Variants in NCAM2 observed in about 807,000 individuals in gnomAD.
NCAM2 encodes the protein N-CAM-2.
A neutral mutation model predicts 98.1 loss-of-function variants in NCAM2; 30 were observed. That is an observed-to-expected ratio of 0.31 (90% CI 0.23 to 0.41). The LOEUF (loss-of-function observed/expected upper bound fraction) is 0.41, where lower values mean the gene tolerates loss of function less well. NCAM2 is among the 10% of genes least tolerant of loss of function. The probability of loss-of-function intolerance (pLI) is 1.00; values close to 1 mark genes in which losing one functional copy is unlikely to be tolerated. For synonymous variants in NCAM2, 368 were observed against 342.4 expected (o/e 1.07, Z -0.83); for missense variants, 867 against 1,005.8 (o/e 0.86, Z 1.87).
intron 12 of NCAM2, among the ~76,000 whole-genome samples, chr21:21,454,178 C>A (rs767601491): frequency 6.6e-6 from 1 of 152,026 alleles, no homozygotes; most frequent in African/African-American, 2.4e-5. Flanking sequence ...TTAAATTTTT[C>A]ATGCATTAAA....
At chr21:21,111,637 C>A (rs992944344) in intron 1 of NCAM2, among the ~76,000 whole-genome samples, 4 of 152,142 alleles carry the variant, frequency 2.6e-5, no homozygotes, top group African/African-American at 9.7e-5. Context: ...GAAGAAAGCA[C>A]AGTAGATGGT....
chr21:21,433,849 G>A (rs34734540), intron 12 of NCAM2, among the ~76,000 whole-genome samples: 80,798 of 151,534 alleles, frequency 0.53, 21,722 homozygotes, highest in Middle Eastern at 0.67. Flanking sequence ...AAGGAAAAAA[G>A]GCATTATTTC....
chr21:21,521,748 A>C (rs185841693), intron 16 of NCAM2, among the ~76,000 whole-genome samples: 1 of 152,226 alleles, frequency 6.6e-6, no homozygotes, highest in Non-Finnish European at 1.5e-5. Flanking sequence ...AAACTAACAA[A>C]AGAAACAGAA....
chr21:21,263,411 T>G (rs1370660346), intron 1 of NCAM2, among the ~76,000 whole-genome samples: 1 of 151,834 alleles, frequency 6.6e-6, no homozygotes, highest in African/African-American at 2.4e-5. Flanking sequence ...ATAGGAAAAA[T>G]CAATATTGTT....
intron 1 of NCAM2, among the ~76,000 whole-genome samples, chr21:21,055,685 T>C (rs966964906): frequency 6.6e-6 from 1 of 152,052 alleles, no homozygotes; most frequent in African/African-American, 2.4e-5. Flanking sequence ...GGTTAGCAGT[T>C]AGGAGAAGGC....
At chr21:21,161,481 A>G (rs887884636) in intron 1 of NCAM2, among the ~76,000 whole-genome samples, 4 of 152,016 alleles carry the variant, frequency 2.6e-5, no homozygotes, top group African/African-American at 9.6e-5. Context: ...ATTTCAGATG[A>G]TAGCCCACTG....
chr21:21,419,344 A>T, intron 11 of NCAM2, among the ~76,000 whole-genome samples: 2 of 123,934 alleles, frequency 1.6e-5, no homozygotes, highest in African/African-American at 6.1e-5. Context: ...AGGAACGGTC[A>T]TGGTTTTTTT....
chr21:21,377,160 T>C (rs1369388396), intron 9 of NCAM2, among the ~76,000 whole-genome samples: 1 of 151,708 alleles, frequency 6.6e-6, no homozygotes, highest in Admixed American at 6.6e-5. Flanking sequence ...AAAATAAATA[T>C]CATCTCTTGT....
chr21:21,359,095 G>A (rs950118957), intron 8 of NCAM2, among the ~76,000 whole-genome samples: 12 of 152,002 alleles, frequency 7.9e-5, no homozygotes, highest in East Asian at 5.8e-4. Context: ...AGATTTTCAC[G>A]CTGTGTGTGT....
intron 1 of NCAM2, among the ~76,000 whole-genome samples, chr21:21,106,332 A>G (rs1601385527): frequency 6.6e-6 from 1 of 150,998 alleles, no homozygotes; most frequent in African/African-American, 2.4e-5. Context: ...AAAAAAAAGG[A>G]ACAGCCAAAT....
At chr21:21,302,133 A>G (rs1051103387) in intron 5 of NCAM2, among the ~76,000 whole-genome samples, 2 of 150,854 alleles carry the variant, frequency 1.3e-5, no homozygotes, top group Non-Finnish European at 3.0e-5. Context: ...AAGGACTATA[A>G]ATCATGCTGC....
Position 21,080,790 on chromosome 21 carries a change from C to A in NCAM2, c.55+82172C>A, listed in dbSNP as rs551730009. 7.3e-5 allele frequency among the ~76,000 whole-genome samples: 11 copies of A among 151,490 alleles called. No individual in the cohort carries two copies. The South Asian group carries it at 1.9e-3, about 26-fold the overall frequency. Reference sequence around the variant, plus strand: ...TGAGCTCCTGGAGCTTAAAGTGTTACTAGAGGCAGATTCATACTGTCTTCA... The same window carrying A: ...TGAGCTCCTGGAGCTTAAAGTGTTAATAGAGGCAGATTCATACTGTCTTCA... On this transcript the variant is annotated intron_variant, in intron 1 of 17. Coordinates refer to ENST00000400546, the MANE Select transcript of NCAM2 (RefSeq NM_004540.5).
rs377665613 is a variant in NCAM2, at chr21:21,043,535, A to G, written c.55+44917A>G. Among the ~76,000 whole-genome samples the G allele has an allele frequency of 3.1e-4, 47 of 151,918 alleles. 1 individual carries two copies. The East Asian group carries it at 6.9e-3, about 22-fold the overall frequency. On this transcript the variant is annotated intron_variant, in intron 1 of 17. Coordinates refer to ENST00000400546, the MANE Select transcript of NCAM2 (RefSeq NM_004540.5). ...TTAAAGACAAAAATTATTTTTGAAG[A>G]AATAATATTATATACAATGTTAGTA...
chr21:21,259,875 C>A (rs2071824073), intron 1 of NCAM2, among the ~76,000 whole-genome samples: 1 of 147,926 alleles, frequency 6.8e-6, no homozygotes, highest in African/African-American at 2.5e-5. Flanking sequence ...CCTCAAGGAA[C>A]AAAATAATTT....
At chr21:21,159,518 T>G (rs1382051121) in intron 1 of NCAM2, among the ~76,000 whole-genome samples, 1 of 152,128 alleles carries the variant, frequency 6.6e-6, no homozygotes, top group Non-Finnish European at 1.5e-5. Context: ...CTTTTGTATG[T>G]TTAGATACAC....
intron 1 of NCAM2, among the ~76,000 whole-genome samples, chr21:21,066,254 T>C (rs555759822): frequency 9.1e-4 from 139 of 152,198 alleles, no homozygotes; most frequent in Non-Finnish European, 1.6e-3. Flanking sequence ...GTTTCGTCTT[T>C]GAATACAGTT....
At chr21:21,442,310 A>G (rs1450002273) in intron 12 of NCAM2, among the ~76,000 whole-genome samples, 1 of 152,182 alleles carries the variant, frequency 6.6e-6, no homozygotes, top group East Asian at 1.9e-4. Context: ...AATTCTAGAC[A>G]TATTTTAAAG....
chr21:21,125,651 TGTAG>T (rs2066800994), intron 1 of NCAM2, among the ~76,000 whole-genome samples: 2 of 137,904 alleles, frequency 1.5e-5, no homozygotes, highest in South Asian at 2.2e-4. Context: ...TACGTGTATA[TGTAG>T]AGATATATAT....
chr21:21,530,298 TTAA>T (rs1449545854), intron 16 of NCAM2, among the ~76,000 whole-genome samples: 1 of 98,492 alleles, frequency 1.0e-5, no homozygotes, highest in African/African-American at 3.9e-5. Flanking sequence ...TTATATATAA[TTAA>T]ATTAAATTAT....
Sources: allele counts gnomAD v4.1 joint callset (sites outside exome capture counted in the v4.1 genomes callset), GRCh38; gene constraint gnomAD v4.1.1; transcripts MANE v1.5; gene names NCBI Gene and HGNC (gene_info 2026-07-23, HGNC 2026-07-21).